The following GNG11 variants were observed in gnomAD, a reference collection of about 807,000 sequenced individuals.
GNG11 encodes the protein G protein subunit gamma 11.
A neutral mutation model predicts 7.4 loss-of-function variants in GNG11; 6 were observed. The observed-to-expected ratio is 0.81, with a 90% CI of 0.44 to 1.60. The LOEUF is 1.60. GNG11 is among the 40% of genes most tolerant of loss of function. GNG11 has a pLI of 0.01. For missense variants in GNG11, 65 were observed against 83.0 expected, an observed-to-expected ratio of 0.78 and a Z score of 0.84; for synonymous variants, 31 against 25.9, an observed-to-expected ratio of 1.20 and a Z score of -0.60.
intron 1 of GNG11, among the ~76,000 whole-genome samples, chr7:93,924,984 G>GA (rs1302328628): frequency 6.6e-6 from 1 of 152,164 alleles, no homozygotes; most frequent in South Asian, 2.1e-4. Flanking sequence ...CTAACGTGGT[G>GA]AAACCCCGTC....
Position 93,926,238 on chromosome 7 carries a change from C to T in GNG11, c.*22C>T. The T allele has an allele frequency of 6.5e-7, 1 of 1,543,088 alleles. No homozygotes were observed. The highest frequency in any genetic ancestry group is 1.3e-5 in the South Asian group (1 of 79,500). On this transcript the variant is annotated 3_prime_UTR_variant, in exon 2 of 2. Coordinates refer to ENST00000248564, the MANE Select transcript of GNG11 (RefSeq NM_004126.4). The stretch of plus-strand genomic sequence containing the variant: ...ATAAATAACTTGGGAGAAACTGCAT[C>T]CTAAGTGGAAGAACTAGTTTGTTTT...
chr7:93,926,231 A>T lies in GNG11; in HGVS notation c.*15A>T, dbSNP rs544674734. On this transcript the variant is annotated 3_prime_UTR_variant, in exon 2 of 2. Transcript: ENST00000248564. ...TTATTTCATAAATAACTTGGGAGAA[A>T]CTGCATCCTAAGTGGAAGAACTAGT... 6.4e-7 allele frequency: 1 copy of T among 1,558,310 alleles called. No homozygotes were observed. Among genetic ancestry groups the T allele is most frequent in the East Asian group, 2.3e-5 (1 of 43,996 alleles).
At position 93,922,136 on chromosome 7, in the gene GNG11, A is replaced by C. The variant is rs764292980; in HGVS notation, c.-2A>C. On this transcript the variant is annotated 5_prime_UTR_variant, in exon 1 of 2. Coordinates refer to ENST00000248564, the MANE Select transcript of GNG11 (RefSeq NM_004126.4). ...TAGCCCGAGCCCGGTTCTGGGGCGA[A>C]AATGCCTGCCCTTCACATCGAAGAT... 2.0e-5 allele frequency: 31 copies of C among 1,584,520 alleles called. No individual in the cohort carries two copies. Among genetic ancestry groups the C allele is most frequent in the Non-Finnish European group, 2.5e-5 (29 of 1,159,350 alleles).
At chr7:93,922,921 T>C (rs1195160540) in intron 1 of GNG11, among the ~76,000 whole-genome samples, 1 of 152,174 alleles carries the variant, frequency 6.6e-6, no homozygotes, top group African/African-American at 2.4e-5. Context: ...TACCATTTCA[T>C]TGAGAACATA....
In GNG11 at chr7:93,926,337, C is replaced by A. The variant is rs1249946541; in HGVS notation, c.*121C>A. ...ATTAAAAGGAGACTTTCTTAAGCACCATATAGATAGGGTTATGTATAAAAG... is the reference window on the plus strand; with the variant it reads ...ATTAAAAGGAGACTTTCTTAAGCACAATATAGATAGGGTTATGTATAAAAG... On this transcript the variant is annotated 3_prime_UTR_variant, in exon 2 of 2. Transcript: ENST00000248564. The A allele has an allele frequency of 2.8e-6, 2 of 715,826 alleles. No individual in the cohort carries two copies. Among genetic ancestry groups the A allele is most frequent in the East Asian group, 5.3e-5 (2 of 37,842 alleles). The allele number at this position is 715,826 out of a possible 1,614,324, so 44.3% of individuals were successfully genotyped here.
chr7:93,922,070 G>T lies in GNG11; in HGVS notation c.-68G>T, dbSNP rs935867563. Reference sequence around the variant, plus strand: ...CAGGCCTTCAGTTGTTTCGGGACGCGCCGAGCTTCGCCGCTCTTCCAGCGG... The same window carrying T: ...CAGGCCTTCAGTTGTTTCGGGACGCTCCGAGCTTCGCCGCTCTTCCAGCGG... On this transcript the variant is annotated 5_prime_UTR_variant, in exon 1 of 2. Transcript: ENST00000248564. 12 of 988,442 alleles carry T rather than the reference G, an allele frequency of 1.2e-5. No homozygotes were observed. The African/African-American group carries it at 1.8e-4, about 15-fold the overall frequency. 61.2% of individuals were successfully genotyped at this position (988,442 alleles called of 1,614,324 possible). A position where few individuals can be genotyped will look rare whatever the true frequency, so the allele number is the denominator to read the frequency against.
chr7:93,926,527 T>C lies in GNG11; in HGVS notation c.*311T>C. ...TTTGTCTTGGGAAGATGAGTGTTGG[T>C]GATTTAAGAAGACACTTTTCATGCA... is the stretch of plus-strand genomic sequence containing the variant. On this transcript the variant is annotated 3_prime_UTR_variant, in exon 2 of 2. Transcript: ENST00000248564. 5.7e-6 allele frequency: 1 copy of C among 174,308 alleles called. No individual in the cohort carries two copies. The highest frequency in any genetic ancestry group is 1.5e-4 in the East Asian group (1 of 6,870). The allele number at this position is 174,308 out of a possible 1,614,324, so 10.8% of individuals were successfully genotyped here.
chr7:93,925,978 TA>T, intron 1 of GNG11, 112 bp from the exon 2 acceptor site: 1 of 431,742 alleles, frequency 2.3e-6, no homozygotes, highest in Non-Finnish European at 4.1e-6. Context: ...TATGTAAATG[TA>T]AAAAAATGTT....
At chr7:93,923,687 C>T (rs1386920478) in intron 1 of GNG11, among the ~76,000 whole-genome samples, 2 of 151,762 alleles carry the variant, frequency 1.3e-5, no homozygotes, top group South Asian at 2.1e-4. Flanking sequence ...AAAAGACAAG[C>T]GTCTTCTACT....
chr7:93,925,499 C>A (rs368444593), intron 1 of GNG11, among the ~76,000 whole-genome samples: 6 of 152,206 alleles, frequency 3.9e-5, no homozygotes, highest in Middle Eastern at 6.8e-3. Context: ...TGAGGAGCAA[C>A]ACAGAGTGCG....
intron 1 of GNG11, among the ~76,000 whole-genome samples, chr7:93,924,434 A>G (rs1366757249): frequency 6.6e-6 from 1 of 152,226 alleles, no homozygotes; most frequent in Non-Finnish European, 1.5e-5. Flanking sequence ...AACTCTAAAA[A>G]TTCACTTAAA....
chr7:93,923,572 C>T (rs1794642280), intron 1 of GNG11, among the ~76,000 whole-genome samples: 1 of 152,152 alleles, frequency 6.6e-6, no homozygotes, highest in South Asian at 2.1e-4. Context: ...CACAATAAAC[C>T]TTAGGAGTTA....
chr7:93,922,652 A>G (rs1794631961), intron 1 of GNG11, among the ~76,000 whole-genome samples: 1 of 152,244 alleles, frequency 6.6e-6, no homozygotes, highest in African/African-American at 2.4e-5. Context: ...CAAGTACATT[A>G]TTTAATTTTG....
In GNG11 at chr7:93,927,687, TC is replaced by T. The variant is rs1473518198; in HGVS notation, c.*1474del. The T allele has an allele frequency of 3.3e-5, 5 of 152,168 alleles. No homozygotes were observed. The highest frequency in any genetic ancestry group is 7.3e-5 in the Non-Finnish European group (5 of 68,040). 9.4% of individuals were successfully genotyped at this position (152,168 alleles called of 1,614,324 possible). On this transcript the variant is annotated 3_prime_UTR_variant, in exon 2 of 2. Transcript: ENST00000248564. ...TCCTCGTTCTGAAATTCCTTTCCTT[TC>T]CCTCTCTGGGAAAGAACAGAATACC...
rs774108021 is a variant in GNG11 at position 93,922,235 on chromosome 7, T to G, written c.96+2T>G. 1 of 1,540,948 alleles carries G rather than the reference T, an allele frequency of 6.5e-7. No homozygotes were observed. Among genetic ancestry groups the G allele is most frequent in the South Asian group, 1.2e-5 (1 of 84,892 alleles). ...GAAGTGAAGTTGCAGAGACAACAAG[T>G]AAGTTGGCTGTTCCGGAATATTTCC... On this transcript the variant is annotated splice_donor_variant, in intron 1 of 1. Transcript: ENST00000248564. LOFTEE classifies it high-confidence loss of function.
intron 1 of GNG11, among the ~76,000 whole-genome samples, chr7:93,923,540 G>A (rs1023434883): frequency 1.3e-5 from 2 of 152,182 alleles, no homozygotes; most frequent in Non-Finnish European, 2.9e-5. Context: ...TACAGCAAGT[G>A]CTGGCCACTT....
In GNG11 at chr7:93,922,286, T is replaced by A. The variant is rs925576725; in HGVS notation, c.96+53T>A. 8.5e-6 allele frequency: 9 copies of A among 1,053,352 alleles called. No homozygotes were observed. The African/African-American group carries it at 1.4e-4, about 17-fold the overall frequency. The allele number at this position is 1,053,352 out of a possible 1,614,324, so 65.3% of individuals were successfully genotyped here. On this transcript the variant is annotated intron_variant, in intron 1 of 1. Coordinates refer to ENST00000248564, the MANE Select transcript of GNG11 (RefSeq NM_004126.4). ...TTCTCTGAAATGAAGCAGGGTCCGA[T>A]TTTTCCTGCTTAGTAACAGTAAAGC...
In GNG11 at chr7:93,927,932, A is replaced by G. The variant is rs1002550411; in HGVS notation, c.*1716A>G. 2 of 152,158 alleles carry G rather than the reference A, an allele frequency of 1.3e-5. No individual in the cohort carries two copies. Among genetic ancestry groups the G allele is most frequent in the African/African-American group, 4.8e-5 (2 of 41,434 alleles). The allele number at this position is 152,158 out of a possible 1,614,324, so 9.4% of individuals were successfully genotyped here. On this transcript the variant is annotated 3_prime_UTR_variant, in exon 2 of 2. Coordinates refer to ENST00000248564, the MANE Select transcript of GNG11 (RefSeq NM_004126.4). ...TATTTCTTCCAAACAGCATAGAACT[A>G]TTAGTACTATTAGTCATTTAACATT...
intron 1 of GNG11, among the ~76,000 whole-genome samples, chr7:93,924,807 GTTACTAATTTAGA>G (rs1263961949): frequency 1.3e-5 from 2 of 152,196 alleles, no homozygotes; most frequent in African/African-American, 4.8e-5. Flanking sequence ...ACAGTTTGAG[GTTACTAATTTAGA>G]TTACTAATTC....
Sources: allele counts gnomAD v4.1 joint callset (sites outside exome capture counted in the v4.1 genomes callset), GRCh38; gene constraint gnomAD v4.1.1; transcripts MANE v1.5; gene names NCBI Gene and HGNC (gene_info 2026-07-23, HGNC 2026-07-21).